PAPPA2: variants seen among roughly 807,000 people sequenced by gnomAD.
PAPPA2 encodes pappalysin-2.
PAPPA2 carries 86 observed loss-of-function variants against 176.4 expected under a neutral mutation model. That is an observed-to-expected ratio of 0.49 (90% CI 0.41 to 0.58). The LOEUF is 0.58. Among genes scored for constraint, PAPPA2 ranks in the 20% least tolerant of loss-of-function variants. The pLI, the probability that PAPPA2 is intolerant of heterozygous loss-of-function variation, is 0.00. For missense variants in PAPPA2, 2,073 were observed against 2,256.9 expected (o/e 0.92, Z 1.65); for synonymous variants, 809 against 852.2 (o/e 0.95, Z 0.88).
chr1:176,707,173 T>C (rs1001967279), intron 10 of PAPPA2, among the ~76,000 whole-genome samples: 2 of 152,204 alleles, frequency 1.3e-5, no homozygotes, highest in African/African-American at 4.8e-5. Flanking sequence ...TAACCACACA[T>C]TGAAGTTTTT....
rs1249305860 is a variant in PAPPA2, at chr1:176,555,559, C to G, written c.-764C>G. ...TAAAAGCCTTCAACAACCAACAACC[C>G]CAAGCATCAAACTGAAGGAAACATT... On this transcript the variant is annotated 5_prime_UTR_variant, in exon 2 of 23. Transcript: ENST00000367662. The G allele has an allele frequency of 1.3e-5, 2 of 152,288 alleles. No homozygotes were observed. The highest frequency in any genetic ancestry group is 4.1e-4 in the South Asian group (2 of 4,822). 9.4% of individuals were successfully genotyped at this position (152,288 alleles called of 1,614,324 possible).
chr1:176,680,906 T>G (rs1659554765), intron 4 of PAPPA2, among the ~76,000 whole-genome samples: 1 of 152,144 alleles, frequency 6.6e-6, no homozygotes, highest in African/African-American at 2.4e-5. Flanking sequence ...CTAAGAAACT[T>G]TGTTCGAATA....
Position 176,740,079 on chromosome 1 carries a change from T to G in PAPPA2, c.4034T>G (p.Phe1345Cys). 1.2e-6 allele frequency: 2 copies of G among 1,613,956 alleles called. No homozygotes were observed. The highest frequency in any genetic ancestry group is 1.7e-6 in the Non-Finnish European group (2 of 1,179,890). The change falls in exon 14 of 23, where the codon TTC becomes TGC. Residue 1345 changes from phenylalanine to cysteine, a missense_variant. By Grantham distance (205) the Phe-to-Cys change is radical (BLOSUM62 -2). Coordinates refer to ENST00000367662, the MANE Select transcript of PAPPA2 (RefSeq NM_020318.3). ...FHHTTSVLLN[F>C]SSPRVGISAV... is the part of the protein sequence containing the mutation. ...CATACCACCTCAGTGCTGCTGAATTTCTCATCCCCACGGGTCGGCATCTCA... is the reference window on the plus strand; with the variant it reads ...CATACCACCTCAGTGCTGCTGAATTGCTCATCCCCACGGGTCGGCATCTCA...
intron 12 of PAPPA2, among the ~76,000 whole-genome samples, chr1:176,739,425 T>A (rs1662566185): frequency 6.6e-6 from 1 of 152,164 alleles, no homozygotes; most frequent in Non-Finnish European, 1.5e-5. Context: ...CTGAAAATTA[T>A]CTTCTTTCCA....
intron 4 of PAPPA2, among the ~76,000 whole-genome samples, chr1:176,688,967 A>C (rs1040912766): frequency 4.6e-5 from 7 of 152,220 alleles, no homozygotes; most frequent in Admixed American, 4.6e-4. Context: ...TGCTATACTC[A>C]GAAGACTATT....
At chr1:176,734,238 T>C (rs1020470555) in intron 12 of PAPPA2, among the ~76,000 whole-genome samples, 3 of 152,156 alleles carry the variant, frequency 2.0e-5, no homozygotes, top group Non-Finnish European at 4.4e-5. Context: ...GGACATGCTC[T>C]CAGAAAGAAT....
intron 1 of PAPPA2, among the ~76,000 whole-genome samples, chr1:176,511,128 A>G (rs1236396526): frequency 1.3e-5 from 2 of 152,182 alleles, no homozygotes; most frequent in East Asian, 1.9e-4. Context: ...TGTGTTGTCT[A>G]TAAAATGTGT....
At chr1:176,671,745 G>A (rs1409889100) in intron 4 of PAPPA2, among the ~76,000 whole-genome samples, 1 of 151,940 alleles carries the variant, frequency 6.6e-6, no homozygotes, top group African/African-American at 2.4e-5. Flanking sequence ...AAAATGATGA[G>A]TTCATGTCCT....
intron 1 of PAPPA2, among the ~76,000 whole-genome samples, chr1:176,544,414 T>C (rs1242198158): frequency 2.0e-5 from 3 of 152,226 alleles, no homozygotes; most frequent in Non-Finnish European, 4.4e-5. Flanking sequence ...TGATGGCCTA[T>C]CTTAGAGTCA....
chr1:176,505,068 A>G (rs1299020028), intron 1 of PAPPA2, among the ~76,000 whole-genome samples: 2 of 152,084 alleles, frequency 1.3e-5, no homozygotes, highest in Non-Finnish European at 2.9e-5. Flanking sequence ...CCTTAATAAA[A>G]CAGTTTTTCC....
chr1:176,651,579 A>G lies in PAPPA2; in HGVS notation c.1992-19391A>G, dbSNP rs750708156. Among the ~76,000 whole-genome samples the G allele has an allele frequency of 2.0e-5, 3 of 151,728 alleles. No individual in the cohort carries two copies. In the South Asian group the frequency reaches 6.2e-4, roughly 32 times the overall value. On this transcript the variant is annotated intron_variant, in intron 3 of 22. Transcript: ENST00000367662. The stretch of plus-strand genomic sequence containing the variant: ...TGACCTTTGAGAATTTGATTATTAT[A>G]TGACTCGGAGTAGACTTATTTGGTT...
intron 3 of PAPPA2, among the ~76,000 whole-genome samples, chr1:176,625,443 C>G (rs1175026197): frequency 1.3e-5 from 2 of 152,152 alleles, no homozygotes. Context: ...CGACATGTAA[C>G]AGGCTTTCAA....
In PAPPA2 at chr1:176,843,438, G is replaced by A. The variant is rs952266277; in HGVS notation, c.*984G>A. On this transcript the variant is annotated 3_prime_UTR_variant, in exon 23 of 23. Coordinates refer to ENST00000367662, the MANE Select transcript of PAPPA2 (RefSeq NM_020318.3). ...CTTCTCAGAACTCCCAACTGGAGTC[G>A]GTGAGACCTAGGATTTTCTGCACTT... 1 of 152,024 alleles carries A rather than the reference G, an allele frequency of 6.6e-6. No homozygotes were observed. The highest frequency in any genetic ancestry group is 1.5e-5 in the Non-Finnish European group (1 of 68,020). 9.4% of individuals were successfully genotyped at this position (152,024 alleles called of 1,614,324 possible).
rs1209804096 is a variant in PAPPA2 at position 176,595,140 on chromosome 1, G to T, written c.1536G>T (p.Gln512His). 5 of 1,614,214 alleles carry T rather than the reference G, an allele frequency of 3.1e-6. No homozygotes were observed. The highest frequency in any genetic ancestry group is 3.4e-6 in the Non-Finnish European group (4 of 1,180,042). ...GTGACAATGTGGAATTGATCTCCCAGTACAATGGATACTGGCCCCTTCGGG... is the reference window on the plus strand; with the variant it reads ...GTGACAATGTGGAATTGATCTCCCATTACAATGGATACTGGCCCCTTCGGG... ...TVCDNVELIS[Q>H]YNGYWPLRGE... Residue 512 changes from glutamine (Q) to histidine (H), a missense_variant, in exon 3 of 23, where the codon CAG becomes CAT. Around this residue, in one of 4 missense-constraint regions of PAPPA2, gnomAD observed 1,196 missense variants for 1,330.4 expected, o/e 0.90. Coordinates refer to ENST00000367662, the MANE Select transcript of PAPPA2 (RefSeq NM_020318.3).
At chr1:176,686,356 A>C (rs1306185267) in intron 4 of PAPPA2, among the ~76,000 whole-genome samples, 1 of 152,200 alleles carries the variant, frequency 6.6e-6, no homozygotes, top group Non-Finnish European at 1.5e-5. Flanking sequence ...TTATAAAACT[A>C]TGAGATCTCT....
chr1:176,768,480 A>G (rs772757074), intron 15 of PAPPA2, among the ~76,000 whole-genome samples: 2 of 152,150 alleles, frequency 1.3e-5, no homozygotes, highest in South Asian at 2.1e-4. Flanking sequence ...CAGTCTTTAT[A>G]TGGCATTCTT....
chr1:176,778,822 G>A (rs978687069), intron 17 of PAPPA2, among the ~76,000 whole-genome samples: 35 of 152,104 alleles, frequency 2.3e-4, no homozygotes, highest in Non-Finnish European at 4.3e-4. Context: ...TATAATTAGT[G>A]TTTATAGTAA....
rs1182290316 is a variant in PAPPA2 at position 176,586,049 on chromosome 1, T to C, written c.920-8475T>C. 2.0e-5 allele frequency among the ~76,000 whole-genome samples: 3 copies of C among 152,274 alleles called. No individual in the cohort carries two copies. The East Asian group carries it at 5.8e-4, about 29-fold the overall frequency. On this transcript the variant is annotated intron_variant, in intron 2 of 22. Transcript: ENST00000367662. Reference sequence around the variant, plus strand: ...TTTTGTTACTTTAGAATTGTTTTGTTCCTTTGGAGGTGTAATGTTTCCTTG... The same window carrying C: ...TTTTGTTACTTTAGAATTGTTTTGTCCCTTTGGAGGTGTAATGTTTCCTTG...
intron 3 of PAPPA2, among the ~76,000 whole-genome samples, chr1:176,623,073 A>G (rs1655684115): frequency 6.6e-6 from 1 of 152,198 alleles, no homozygotes; most frequent in South Asian, 2.1e-4. Flanking sequence ...TTTTAAAACT[A>G]TCACATTGGG....
Sources: gnomAD v4.1 joint callset for allele counts (sites outside exome capture counted in the v4.1 genomes callset) on GRCh38, gnomAD v4.1.1 for gene constraint, gnomAD v4.1.1 regional missense constraint, MANE v1.5 for transcripts, NCBI Gene and HGNC (gene_info 2026-07-23, HGNC 2026-07-21) for gene names.